DRG1: variants seen among roughly 807,000 people sequenced by gnomAD.
DRG1 encodes the protein developmentally-regulated GTP-binding protein 1.
DRG1 carries 19 observed loss-of-function variants against 38.8 expected under a neutral mutation model. The observed-to-expected ratio is 0.49, with a 90% CI of 0.34 to 0.72. The LOEUF (loss-of-function observed/expected upper bound fraction) is 0.72. Ranked by LOEUF, DRG1 falls within the 30% of genes least tolerant of loss-of-function variation. The pLI, the probability that DRG1 is intolerant of heterozygous loss-of-function variation, is 0.01. For missense variants in DRG1, 299 were observed against 444.8 expected, an observed-to-expected ratio of 0.67 and a Z score of 2.95; for synonymous variants, 167 against 157.5, an observed-to-expected ratio of 1.06 and a Z score of -0.45.
intron 3 of DRG1, among the ~76,000 whole-genome samples, chr22:31,404,349 C>T (rs1160298065): frequency 1.3e-5 from 2 of 151,102 alleles, no homozygotes; most frequent in Admixed American, 1.3e-4. Flanking sequence ...CAGTGATTCT[C>T]CCGCTTCAGC....
chr22:31,407,183 G>A (rs1365189461), intron 3 of DRG1, among the ~76,000 whole-genome samples: 2 of 152,132 alleles, frequency 1.3e-5, no homozygotes, highest in Admixed American at 1.3e-4. Context: ...GGTTGTGTCT[G>A]TAGGGTTTCT....
In DRG1 at chr22:31,403,458, G is replaced by A. The variant is rs975936360; in HGVS notation, c.342+254G>A. 2.0e-4 allele frequency among the ~76,000 whole-genome samples: 31 copies of A among 151,950 alleles called. No individual in the cohort carries two copies. The highest frequency in any genetic ancestry group is 8.5e-4 in the Admixed American group (13 of 15,264). The stretch of plus-strand genomic sequence containing the variant: ...CAAGGCGGGCAGATCACCTGAGGTC[G>A]GGAGTTCGAGACCAGCCTGGCCAAC... On this transcript the variant is annotated intron_variant, in intron 3 of 8. Coordinates refer to ENST00000331457, the MANE Select transcript of DRG1 (RefSeq NM_004147.4).
At chr22:31,418,185 G>A (rs1392672826) in intron 4 of DRG1, among the ~76,000 whole-genome samples, 1 of 151,990 alleles carries the variant, frequency 6.6e-6, no homozygotes, top group African/African-American at 2.4e-5. Flanking sequence ...GCTCATACCT[G>A]TAATCCCAGC....
intron 6 of DRG1, among the ~76,000 whole-genome samples, chr22:31,424,533 C>G (rs991507277): frequency 2.6e-5 from 3 of 113,776 alleles, no homozygotes; most frequent in African/African-American, 1.0e-4. Context: ...GAGTCTCACT[C>G]TGTCACCTGG....
At chr22:31,406,888 G>A (rs1343469822) in intron 3 of DRG1, among the ~76,000 whole-genome samples, 1 of 151,858 alleles carries the variant, frequency 6.6e-6, no homozygotes, top group Admixed American at 6.6e-5. Context: ...TTTTATCTAG[G>A]ATCATCCCAT....
intron 3 of DRG1, among the ~76,000 whole-genome samples, chr22:31,406,967 T>C (rs1026259461): frequency 1.3e-5 from 2 of 152,238 alleles, no homozygotes; most frequent in Non-Finnish European, 2.9e-5. Flanking sequence ...TTTTGTGACC[T>C]TGTCACTCTC....
intron 4 of DRG1, among the ~76,000 whole-genome samples, chr22:31,413,243 C>T (rs139589888): frequency 6.6e-6 from 1 of 152,188 alleles, no homozygotes; most frequent in Non-Finnish European, 1.5e-5. Flanking sequence ...GGACTACAGG[C>T]ACGCAACACC....
Position 31,426,797 on chromosome 22 carries a change from ATAGGG to A in DRG1, c.881+18_881+22del. 6.2e-7 allele frequency: 1 copy of A among 1,613,164 alleles called. No individual in the cohort carries two copies. Among genetic ancestry groups the A allele is most frequent in the Admixed American group, 1.7e-5 (1 of 59,888 alleles). ...CTAGTGAGAATGTAAGTCTTTGTGG[ATAGGG>A]TAATGTTGCTATAGGAATTAACCAG... is the stretch of plus-strand genomic sequence containing the variant. On this transcript the variant is annotated intron_variant, in intron 7 of 8. Transcript: ENST00000331457.
At chr22:31,433,783 TA>T in intron 8 of DRG1, 88 bp from the exon 9 acceptor site, 1 of 1,159,348 alleles carries the variant, frequency 8.6e-7, no homozygotes, top group South Asian at 1.3e-5. Context: ...GGTATGATAC[TA>T]AATCTGAGCA....
chr22:31,420,011 C>T (rs2050067406), intron 4 of DRG1, among the ~76,000 whole-genome samples: 2 of 152,130 alleles, frequency 1.3e-5, no homozygotes, highest in South Asian at 2.1e-4. Flanking sequence ...CCACTGCACT[C>T]CAGCCTGGGC....
chr22:31,426,593 T>C (rs765620492), intron 6 of DRG1, 22 bp from the exon 7 acceptor site: 1 of 1,597,912 alleles, frequency 6.3e-7, no homozygotes, highest in Non-Finnish European at 8.5e-7. Context: ...ACTAATACCC[T>C]GTTTTTCTTC....
At chr22:31,412,428 G>A (rs2145862712) in intron 4 of DRG1, among the ~76,000 whole-genome samples, 1 of 140,986 alleles carries the variant, frequency 7.1e-6, no homozygotes, top group African/African-American at 2.6e-5. Context: ...TTGGCACACT[G>A]CAAGCTCCGC....
chr22:31,415,228 A>C (rs1229791186), intron 4 of DRG1, among the ~76,000 whole-genome samples: 1 of 152,214 alleles, frequency 6.6e-6, no homozygotes, highest in Non-Finnish European at 1.5e-5. Flanking sequence ...CAATTGAATA[A>C]AATTTAAAAT....
intron 8 of DRG1, among the ~76,000 whole-genome samples, chr22:31,433,516 A>G (rs764391065): frequency 1.9e-4 from 29 of 151,894 alleles, no homozygotes; most frequent in Non-Finnish European, 3.1e-4. Context: ...GGTGATCCGC[A>G]CCCTTCGGCC....
intron 4 of DRG1, among the ~76,000 whole-genome samples, chr22:31,418,345 T>C (rs2050055825): frequency 6.6e-6 from 1 of 151,768 alleles, no homozygotes; most frequent in East Asian, 1.9e-4. Flanking sequence ...TAGTCCCGGA[T>C]ATTCAAGGAG....
intron 8 of DRG1, among the ~76,000 whole-genome samples, chr22:31,429,990 C>G (rs1020659657): frequency 6.6e-6 from 1 of 152,082 alleles, no homozygotes; most frequent in Non-Finnish European, 1.5e-5. Flanking sequence ...TTCTCAAACT[C>G]CTGGGTTCAA....
chr22:31,433,242 A>G (rs2050150979), intron 8 of DRG1, among the ~76,000 whole-genome samples: 1 of 150,894 alleles, frequency 6.6e-6, no homozygotes, highest in Non-Finnish European at 1.5e-5. Context: ...TGAAATTTTC[A>G]GGGTATTTCT....
Position 31,420,426 on chromosome 22 carries a change from G to C in DRG1, c.582+1G>C. The C allele has an allele frequency of 6.2e-7, 1 of 1,614,164 alleles. No individual in the cohort carries two copies. The highest frequency in any genetic ancestry group is 8.5e-7 in the Non-Finnish European group (1 of 1,180,018). ...GGGAGGCATTAATCTCACAGCCACT[G>C]TAAGTGGGGAATATGACATGGGGCA... On this transcript the variant is annotated splice_donor_variant, in intron 5 of 8. Coordinates refer to ENST00000331457, the MANE Select transcript of DRG1 (RefSeq NM_004147.4). LOFTEE classifies it high-confidence loss of function.
chr22:31,411,675 G>T (rs572270176), intron 4 of DRG1, among the ~76,000 whole-genome samples: 2 of 151,534 alleles, frequency 1.3e-5, no homozygotes, highest in South Asian at 2.1e-4. Flanking sequence ...GACTACAGGG[G>T]TGTGTCACTA....
Sources: allele counts gnomAD v4.1 joint callset (sites outside exome capture counted in the v4.1 genomes callset), GRCh38; gene constraint gnomAD v4.1.1; transcripts MANE v1.5; gene names NCBI Gene and HGNC (gene_info 2026-07-23, HGNC 2026-07-21).